Variants in RUNX1 observed in about 807,000 individuals in gnomAD.
The protein encoded by RUNX1 is runt-related transcription factor 1.
RUNX1 carries 19 observed loss-of-function variants against 42.8 expected under a neutral mutation model. The ratio of observed to expected loss-of-function variants is 0.44; its 90% CI spans 0.31 to 0.65. The LOEUF (loss-of-function observed/expected upper bound fraction) is 0.65. Among genes scored for constraint, RUNX1 ranks in the 30% least tolerant of loss-of-function variants. RUNX1 has a pLI of 0.07. For synonymous variants in RUNX1, 271 were observed against 289.4 expected, an observed-to-expected ratio of 0.94 and a Z score of 0.64; for missense variants, 528 against 672.0, an observed-to-expected ratio of 0.79 and a Z score of 2.37.
At position 34,792,524 on chromosome 21, in the gene RUNX1, C is replaced by T. The variant is rs1397164331; in HGVS notation, c.1054G>A (p.Ala352Thr). The T allele has an allele frequency of 6.2e-7, 1 of 1,604,976 alleles. No individual in the cohort carries two copies. Among genetic ancestry groups the T allele is most frequent in the Non-Finnish European group, 8.5e-7 (1 of 1,175,900 alleles). ...ACCGGCGTCGGGGAGTAGGTGAAGG[C>T]GCCTGGATAGTGCATGCGGGGGTCG... ...ISDPRMHYPG[A>T]FTYSPTPVTS... The change falls in exon 9 of 9, where the codon GCC becomes ACC. Residue 352 changes from alanine to threonine, a missense_variant. Physicochemically the swap from Ala to Thr is moderately conservative, Grantham distance 58. Coordinates refer to ENST00000675419, the MANE Select transcript of RUNX1 (RefSeq NM_001754.5). This position sits in a 1 kb window ranked among gnomAD's most constrained non-coding sequence, Gnocchi z 6.9.
intron 7 of RUNX1, among the ~76,000 whole-genome samples, chr21:34,811,905 A>G (rs936225378): frequency 1.3e-5 from 2 of 152,014 alleles, no homozygotes; most frequent in African/African-American, 4.8e-5. Flanking sequence ...AGTGTTTATT[A>G]TACCTCTGAA....
chr21:34,890,578 G>A (rs1018165443), intron 3 of RUNX1, among the ~76,000 whole-genome samples: 4 of 152,126 alleles, frequency 2.6e-5, no homozygotes, highest in Non-Finnish European at 2.9e-5. Flanking sequence ...GGCGGCCCGC[G>A]GCCTCAACCC....
intron 2 of RUNX1, among the ~76,000 whole-genome samples, chr21:35,042,628 G>A (rs2059367213): frequency 6.6e-6 from 1 of 152,210 alleles, no homozygotes; most frequent in Non-Finnish European, 1.5e-5. Flanking sequence ...CCACAAGAAG[G>A]GGTTGAGGCC....
At chr21:34,858,071 G>C (rs2146225527) in intron 6 of RUNX1, among the ~76,000 whole-genome samples, 1 of 152,354 alleles carries the variant, frequency 6.6e-6, no homozygotes, top group East Asian at 1.9e-4. Context: ...AGCAGACGAG[G>C]AACACCATAT....
intron 2 of RUNX1, among the ~76,000 whole-genome samples, chr21:35,022,654 G>C (rs1043041608): frequency 1.3e-5 from 2 of 152,100 alleles, no homozygotes; most frequent in African/African-American, 4.8e-5. Flanking sequence ...CAGCACTTTG[G>C]GAGGCTGAGG....
chr21:34,818,684 G>T (rs2145988101), intron 7 of RUNX1, among the ~76,000 whole-genome samples: 1 of 152,312 alleles, frequency 6.6e-6, no homozygotes, highest in Middle Eastern at 3.4e-3. Flanking sequence ...ACAATTTAAG[G>T]CTTAACACAC....
In RUNX1 at chr21:34,886,939, G is replaced by GCA. The variant is rs777613537; in HGVS notation, c.254_255insTG (p.Pro86AlafsTer37). On this transcript the variant is annotated frameshift_variant, in exon 4 of 9. Transcript: ENST00000675419. LOFTEE classifies it high-confidence loss of function. ...TGTCGGTGCGCACCAGCTCGCCCGG[G>GCA]TGGTCGGCCAGCACCTCCACCATGC... 22 of 1,613,008 alleles carry GCA rather than the reference G, an allele frequency of 1.4e-5. No homozygotes were observed. Among genetic ancestry groups the GCA allele is most frequent in the Non-Finnish European group, 1.9e-5 (22 of 1,179,698 alleles).
intron 7 of RUNX1, among the ~76,000 whole-genome samples, chr21:34,814,954 G>A (rs1013742568): frequency 6.6e-6 from 1 of 151,872 alleles, no homozygotes; most frequent in Non-Finnish European, 1.5e-5. Context: ...TTATTTTTTT[G>A]TATTGTGTAC....
rs533880822 is a variant in RUNX1 at position 34,960,857 on chromosome 21, T to G, written c.59-67894A>C. ...TGGACAAAGAGCCTTGTAAATGTCT[T>G]GGGGTGAATGACAATGGGAAGATTA... On this transcript the variant is annotated intron_variant, in intron 2 of 8. Coordinates refer to ENST00000675419, the MANE Select transcript of RUNX1 (RefSeq NM_001754.5). Among the ~76,000 whole-genome samples, 4 of 152,244 alleles carry G rather than the reference T, an allele frequency of 2.6e-5. No homozygotes were observed. The South Asian group carries it at 8.3e-4, about 32-fold the overall frequency.
chr21:35,015,323 G>C (rs774096729), intron 2 of RUNX1, among the ~76,000 whole-genome samples: 69 of 152,286 alleles, frequency 4.5e-4, no homozygotes, highest in Non-Finnish European at 8.2e-4. Context: ...TCTTCTTCTT[G>C]TTGTTGCTAG....
intron 2 of RUNX1, among the ~76,000 whole-genome samples, chr21:34,938,792 T>C (rs985349751): frequency 3.9e-5 from 6 of 152,168 alleles, no homozygotes; most frequent in Admixed American, 6.5e-5. Flanking sequence ...CCCTATTATG[T>C]TTTTGCTTGC....
Position 34,820,928 on chromosome 21 carries a change from C to T in RUNX1, c.805+13482G>A, listed in dbSNP as rs544807781. 7.2e-5 allele frequency among the ~76,000 whole-genome samples: 11 copies of T among 152,280 alleles called. 1 individual carries two copies. The highest frequency in any genetic ancestry group is 7.2e-4 in the Admixed American group (11 of 15,296). ...CAGAAAACCTGGATGTTAGGTCTGC[C>T]TCTAGTTCGGAAAATCACTGAAACT... On this transcript the variant is annotated intron_variant, in intron 7 of 8. Transcript: ENST00000675419.
rs2145907184 is a variant in RUNX1, at chr21:34,799,312, C to A, written c.956G>T (p.Ser319Ile). Residue 319 changes from serine to isoleucine, a missense_variant, in exon 8 of 9, where the codon AGT becomes ATT. Coordinates refer to ENST00000675419, the MANE Select transcript of RUNX1 (RefSeq NM_001754.5). ...TTCAAGTGGCTTACTTGAGAGTCGA[C>A]TGGAAAGTTCTGCAGAGAGGGTTGT... ...GMTTLSAELS[S>I]RLSTAPDLTA... The A allele has an allele frequency of 6.2e-7, 1 of 1,614,186 alleles. No homozygotes were observed. Among genetic ancestry groups the A allele is most frequent in the Non-Finnish European group, 8.5e-7 (1 of 1,180,032 alleles).
intron 2 of RUNX1, among the ~76,000 whole-genome samples, chr21:34,964,248 G>T (rs1037231931): frequency 2.6e-5 from 4 of 152,144 alleles, no homozygotes; most frequent in African/African-American, 9.7e-5. Context: ...CAGCACTATG[G>T]GAGGCCGAGG....
chr21:34,812,980 C>G (rs994468089), intron 7 of RUNX1, among the ~76,000 whole-genome samples: 24 of 152,158 alleles, frequency 1.6e-4, no homozygotes, highest in African/African-American at 5.8e-4. Context: ...GACTTACTAC[C>G]AAGTTTAGAT....
intron 2 of RUNX1, among the ~76,000 whole-genome samples, chr21:35,040,372 A>G (rs2059348415): frequency 6.6e-6 from 1 of 152,244 alleles, no homozygotes; most frequent in African/African-American, 2.4e-5. Context: ...AATAAGAAAC[A>G]AACATTGATA....
chr21:34,972,403 G>C (rs2058769925), intron 2 of RUNX1, among the ~76,000 whole-genome samples: 1 of 152,154 alleles, frequency 6.6e-6, no homozygotes, highest in Non-Finnish European at 1.5e-5. Flanking sequence ...CTGGCCTCAT[G>C]TGTCCACTTG....
intron 2 of RUNX1, among the ~76,000 whole-genome samples, chr21:35,025,406 C>T (rs2059227932): frequency 6.6e-6 from 1 of 152,166 alleles, no homozygotes; most frequent in Non-Finnish European, 1.5e-5. Flanking sequence ...AGCATCCTAT[C>T]TGCTCCTCCC....
intron 3 of RUNX1, among the ~76,000 whole-genome samples, chr21:34,888,953 C>A (rs928498480): frequency 6.6e-6 from 1 of 151,194 alleles, no homozygotes; most frequent in Admixed American, 6.6e-5. Flanking sequence ...TGGCCCGGGG[C>A]CCCGCCCGCG....
Sources: gnomAD v4.1 joint callset for allele counts (sites outside exome capture counted in the v4.1 genomes callset) on GRCh38, gnomAD v4.1.1 for gene constraint, Gnocchi (gnomAD v3.1) non-coding constraint, MANE v1.5 for transcripts, NCBI Gene and HGNC (gene_info 2026-07-23, HGNC 2026-07-21) for gene names.